The following SIPA1L2 variants were observed in gnomAD, a reference collection of about 807,000 sequenced individuals.
SIPA1L2 encodes the protein signal induced proliferation associated 1 like 2, also known as signal-induced proliferation-associated 1-like protein 2.
A neutral mutation model predicts 163.9 loss-of-function variants in SIPA1L2; 56 were observed. The observed-to-expected ratio is 0.34, with a 90% CI of 0.28 to 0.43. The LOEUF is 0.43. Among genes scored for constraint, SIPA1L2 ranks in the 20% least tolerant of loss-of-function variants. SIPA1L2 has a pLI of 1.00. For missense variants in SIPA1L2, 1,974 were observed against 2,193.5 expected, an observed-to-expected ratio of 0.90 and a Z score of 2.00; for synonymous variants, 877 against 865.7, an observed-to-expected ratio of 1.01 and a Z score of -0.23.
chr1:232,401,670 G>T lies in SIPA1L2; in HGVS notation c.5022+722C>A, dbSNP rs77794599. On this transcript the variant is annotated intron_variant, in intron 22 of 22. Transcript: ENST00000674635. ...AAGGCCAGCTCCCTCCTTGTGACTAGATCAGAACTCCACCCACTTGCTCTT... is the reference window on the plus strand; with the variant it reads ...AAGGCCAGCTCCCTCCTTGTGACTATATCAGAACTCCACCCACTTGCTCTT... Among the ~76,000 whole-genome samples the T allele has an allele frequency of 0.035, 5,256 of 152,226 alleles. 738 individuals carry two copies. The East Asian group carries it at 0.48, about 14-fold the overall frequency.
intron 19 of SIPA1L2, among the ~76,000 whole-genome samples, chr1:232,410,545 A>AATATATATATATATAT (rs35712001): frequency 2.0e-5 from 3 of 148,884 alleles, no homozygotes; most frequent in Admixed American, 1.3e-4. Context: ...TGAATTTCAA[A>AATATATATATATATAT]ATATATATAT....
intron 1 of SIPA1L2, among the ~76,000 whole-genome samples, chr1:232,603,757 T>A (rs1345357911): frequency 1.3e-5 from 2 of 151,996 alleles, no homozygotes; most frequent in Non-Finnish European, 2.9e-5. Context: ...CAGGTGACCA[T>A]TAGATCCACA....
intron 4 of SIPA1L2, among the ~76,000 whole-genome samples, chr1:232,491,940 A>C (rs1665953372): frequency 6.6e-6 from 1 of 152,208 alleles, no homozygotes. Context: ...GAAATCACTA[A>C]TGTCACTAAG....
chr1:232,592,667 G>C (rs1661024475), intron 1 of SIPA1L2, among the ~76,000 whole-genome samples: 1 of 152,188 alleles, frequency 6.6e-6, no homozygotes, highest in South Asian at 2.1e-4. Context: ...AGGTTTTCTA[G>C]AACTAAACAA....
intron 2 of SIPA1L2, among the ~76,000 whole-genome samples, chr1:232,550,291 TA>T (rs1658299725): frequency 6.6e-6 from 1 of 152,196 alleles, no homozygotes; most frequent in African/African-American, 2.4e-5. Flanking sequence ...TCAAGTCAAA[TA>T]TTTGCATTTC....
intron 2 of SIPA1L2, among the ~76,000 whole-genome samples, chr1:232,542,446 A>T (rs1053068432): frequency 6.6e-6 from 1 of 152,250 alleles, no homozygotes; most frequent in African/African-American, 2.4e-5. Context: ...ATAAAGTTCT[A>T]AAATGCATCT....
intron 18 of SIPA1L2, among the ~76,000 whole-genome samples, chr1:232,422,867 T>TA (rs1269026251): frequency 2.0e-5 from 3 of 152,324 alleles, no homozygotes; most frequent in Middle Eastern, 3.4e-3. Flanking sequence ...AAACTATTCT[T>TA]AAAGAGTGGT....
At chr1:232,612,543 TTTTGGAGTTTTAACA>T (rs1662296588) in intron 1 of SIPA1L2, among the ~76,000 whole-genome samples, 1 of 152,182 alleles carries the variant, frequency 6.6e-6, no homozygotes, top group South Asian at 2.1e-4. Flanking sequence ...AAGGAGATCA[TTTTGGAGTTTTAACA>T]TTTGACTGCC....
chr1:232,552,850 C>T (rs1365811492), intron 2 of SIPA1L2, among the ~76,000 whole-genome samples: 1 of 152,136 alleles, frequency 6.6e-6, no homozygotes, highest in African/African-American at 2.4e-5. Context: ...GAATGTACAA[C>T]GGGGGGTGGC....
At chr1:232,460,515 T>C (rs1051139717) in intron 10 of SIPA1L2, among the ~76,000 whole-genome samples, 2 of 152,174 alleles carry the variant, frequency 1.3e-5, no homozygotes, top group Non-Finnish European at 2.9e-5. Context: ...TCTAACTGAA[T>C]AGTTAAGTAT....
chr1:232,596,564 TTTC>T (rs1161044870), intron 1 of SIPA1L2, among the ~76,000 whole-genome samples: 1 of 152,226 alleles, frequency 6.6e-6, no homozygotes, highest in Non-Finnish European at 1.5e-5. Context: ...CTGTTAAATA[TTTC>T]TTGTTTTATC....
intron 2 of SIPA1L2, among the ~76,000 whole-genome samples, chr1:232,551,030 C>T (rs6694939): frequency 0.018 from 2,672 of 152,132 alleles, 79 homozygotes; most frequent in African/African-American, 0.06. Flanking sequence ...AAATCAAGCC[C>T]GAATGGGAAT....
At chr1:232,574,503 A>G (rs1273638047) in intron 1 of SIPA1L2, among the ~76,000 whole-genome samples, 3 of 152,204 alleles carry the variant, frequency 2.0e-5, no homozygotes, top group Non-Finnish European at 4.4e-5. Flanking sequence ...AATTTGCAAA[A>G]GTATAAAGCA....
intron 21 of SIPA1L2, 69 bp downstream of exon 21, chr1:232,403,379 C>T (rs1302836702): frequency 3.4e-5 from 53 of 1,566,570 alleles, no homozygotes; most frequent in South Asian, 1.6e-4. Flanking sequence ...CAGGGTTAGT[C>T]GGTTAGCCGA....
intron 1 of SIPA1L2, among the ~76,000 whole-genome samples, chr1:232,617,976 A>G (rs913835117): frequency 6.6e-6 from 1 of 152,216 alleles, no homozygotes; most frequent in Non-Finnish European, 1.5e-5. Context: ...GGATGGGTAG[A>G]AGACGGAGAG....
At chr1:232,573,395 G>T (rs996213752) in intron 2 of SIPA1L2, among the ~76,000 whole-genome samples, 12 of 152,308 alleles carry the variant, frequency 7.9e-5, no homozygotes, top group Non-Finnish European at 1.0e-4. Flanking sequence ...GGGGTAAAAG[G>T]TCATGAAGTT....
At chr1:232,495,335 G>A (rs1055660291) in intron 3 of SIPA1L2, among the ~76,000 whole-genome samples, 6 of 152,084 alleles carry the variant, frequency 3.9e-5, no homozygotes, top group South Asian at 2.1e-4. Flanking sequence ...AGGCCGAGGC[G>A]GGCGGATCAC....
chr1:232,456,549 G>C (rs1663930363), intron 10 of SIPA1L2, among the ~76,000 whole-genome samples: 2 of 152,150 alleles, frequency 1.3e-5, no homozygotes, highest in South Asian at 4.2e-4. Flanking sequence ...CATTTTTATT[G>C]GACATATTTA....
At chr1:232,507,159 G>A (rs899920362) in intron 3 of SIPA1L2, among the ~76,000 whole-genome samples, 7 of 148,886 alleles carry the variant, frequency 4.7e-5, no homozygotes, top group African/African-American at 1.2e-4. Flanking sequence ...TGTCCCCTAA[G>A]GCTCTTACGG....
Sources: allele counts gnomAD v4.1 joint callset (sites outside exome capture counted in the v4.1 genomes callset), GRCh38; gene constraint gnomAD v4.1.1; transcripts MANE v1.5; gene names NCBI Gene and HGNC (gene_info 2026-07-23, HGNC 2026-07-21).